The following CTCF variants were observed in gnomAD, a reference collection of about 807,000 sequenced individuals.
The protein encoded by CTCF is CCCTC-binding factor.
A neutral mutation model predicts 72.3 loss-of-function variants in CTCF; 7 were observed. The ratio of observed to expected loss-of-function variants is 0.10; its 90% CI spans 0.06 to 0.18. CTCF has a LOEUF of 0.18. Among genes scored for constraint, CTCF ranks in the 10% least tolerant of loss-of-function variants. The pLI, the probability that CTCF is intolerant of heterozygous loss-of-function variation, is 1.00. For synonymous variants in CTCF, 374 were observed against 315.8 expected (o/e 1.18, Z -1.95); for missense variants, 516 against 949.1 (o/e 0.54, Z 6.00).
At chr16:67,587,099 C>G (rs9940907) in intron 2 of CTCF, among the ~76,000 whole-genome samples, 6,004 of 127,610 alleles carry the variant, frequency 0.047, 430 homozygotes, top group African/African-American at 0.16. Flanking sequence ...ACTTCTTAAA[C>G]ATTTTTTTTT....
At chr16:67,626,829 A>T in intron 8 of CTCF, 114 bp downstream of exon 8, 1 of 717,526 alleles carries the variant, frequency 1.4e-6, no homozygotes, top group Admixed American at 3.9e-5. Flanking sequence ...CAAACTGTGG[A>T]TTATGAGGAA....
At chr16:67,574,972 T>C (rs1296211117) in intron 2 of CTCF, among the ~76,000 whole-genome samples, 1 of 152,206 alleles carries the variant, frequency 6.6e-6, no homozygotes, top group East Asian at 1.9e-4. Flanking sequence ...CATCTATTCT[T>C]AACTGTGTGT....
chr16:67,580,592 G>A (rs1039563742), intron 2 of CTCF, among the ~76,000 whole-genome samples: 1 of 151,298 alleles, frequency 6.6e-6, no homozygotes, highest in East Asian at 1.9e-4. Context: ...ACGAAGTCTC[G>A]CTCTTGTCCA....
intron 2 of CTCF, among the ~76,000 whole-genome samples, chr16:67,572,171 T>C (rs2051431178): frequency 6.6e-6 from 1 of 152,168 alleles, no homozygotes; most frequent in Non-Finnish European, 1.5e-5. Flanking sequence ...GAGAAGGGAA[T>C]AGGAATGAAA....
intron 2 of CTCF, among the ~76,000 whole-genome samples, chr16:67,602,207 C>T (rs1269664344): frequency 1.3e-5 from 2 of 152,150 alleles, no homozygotes; most frequent in Non-Finnish European, 2.9e-5. Context: ...CAAATTCACA[C>T]CAGAGACCAG....
intron 5 of CTCF, among the ~76,000 whole-genome samples, chr16:67,618,567 C>T (rs1233142748): frequency 6.6e-6 from 1 of 152,064 alleles, no homozygotes; most frequent in Non-Finnish European, 1.5e-5. Flanking sequence ...TCGAATAAAG[C>T]AAGAAATGAA....
intron 5 of CTCF, among the ~76,000 whole-genome samples, chr16:67,619,711 G>A (rs992293904): frequency 6.6e-6 from 1 of 152,064 alleles, no homozygotes; most frequent in Non-Finnish European, 1.5e-5. Flanking sequence ...TGCTCCTCAC[G>A]TAGCTGAGAC....
chr16:67,564,178 C>T (rs191112497), intron 1 of CTCF, among the ~76,000 whole-genome samples: 1 of 152,180 alleles, frequency 6.6e-6, no homozygotes, highest in Non-Finnish European at 1.5e-5. Context: ...TTTATTCGGT[C>T]CTTAAGTTTT....
chr16:67,593,167 T>C (rs1213060233), intron 2 of CTCF, among the ~76,000 whole-genome samples: 1 of 151,798 alleles, frequency 6.6e-6, no homozygotes, highest in Non-Finnish European at 1.5e-5. Flanking sequence ...AGGTATCTTC[T>C]GTTCTCTTAA....
chr16:67,596,107 C>T (rs2051811447), intron 2 of CTCF, among the ~76,000 whole-genome samples: 2 of 152,054 alleles, frequency 1.3e-5, no homozygotes, highest in South Asian at 4.1e-4. Context: ...GTGCACGCCG[C>T]CATGCCCAGC....
chr16:67,575,297 C>T (rs890916705), intron 2 of CTCF, among the ~76,000 whole-genome samples: 1 of 152,048 alleles, frequency 6.6e-6, no homozygotes. Context: ...TGAGGCTGGG[C>T]GTGGTGGCTC....
At chr16:67,634,851 C>T (rs778249905) in intron 10 of CTCF, among the ~76,000 whole-genome samples, 3 of 150,820 alleles carry the variant, frequency 2.0e-5, no homozygotes, top group Non-Finnish European at 3.0e-5. Flanking sequence ...TTACAGGTGC[C>T]GCCACCACAC....
rs2052053018 is a variant in CTCF, at chr16:67,610,923, G to C, written c.91G>C (p.Gly31Arg). The change falls in exon 3 of 12, where the codon GGG (glycine) becomes CGG (arginine). Residue 31 changes from glycine (G) to arginine (R), a missense_variant. This residue lies in a region of CTCF where 148 missense variants were observed against 194.9 expected (regional missense o/e 0.76). Coordinates refer to ENST00000264010, the MANE Select transcript of CTCF (RefSeq NM_006565.4). ...ERKTYQRRRE[G>R]GQEEDACHLP... ...AAAGACTTACCAGAGACGCCGGGAA[G>C]GGGGCCAGGAAGAAGATGCCTGCCA... The C allele has an allele frequency of 6.5e-7, 1 of 1,546,640 alleles. No individual in the cohort carries two copies. The highest frequency in any genetic ancestry group is 8.7e-7 in the Non-Finnish European group (1 of 1,145,898).
chr16:67,576,152 A>C (rs959499051), intron 2 of CTCF, among the ~76,000 whole-genome samples: 13 of 151,322 alleles, frequency 8.6e-5, no homozygotes, highest in South Asian at 6.2e-4. Context: ...AAAAAAAAAA[A>C]AAAAAAAAAA....
At chr16:67,606,873 G>A (rs1443353253) in intron 2 of CTCF, among the ~76,000 whole-genome samples, 2 of 148,998 alleles carry the variant, frequency 1.3e-5, no homozygotes, top group African/African-American at 5.0e-5. Flanking sequence ...AGCAATTCTC[G>A]AGCCTCACTC....
chr16:67,583,015 C>G (rs1009022086), intron 2 of CTCF, among the ~76,000 whole-genome samples: 14 of 133,790 alleles, frequency 1.0e-4, no homozygotes, highest in Non-Finnish European at 9.4e-5. Flanking sequence ...GAGTTTTGCT[C>G]TGTTGCACAG....
chr16:67,576,809 C>A (rs1338720918), intron 2 of CTCF, among the ~76,000 whole-genome samples: 4 of 151,946 alleles, frequency 2.6e-5, no homozygotes, highest in Admixed American at 2.6e-4. Flanking sequence ...GGATTACAGG[C>A]GTGAGCCACC....
chr16:67,563,520 C>G (rs2051306141), intron 1 of CTCF: 1 of 152,232 alleles, frequency 6.6e-6, no homozygotes, highest in Non-Finnish European at 1.5e-5. Context: ...CTCGCCGCCC[C>G]CGCTGCGCCC....
At chr16:67,581,913 C>T (rs1235529178) in intron 2 of CTCF, among the ~76,000 whole-genome samples, 3 of 152,164 alleles carry the variant, frequency 2.0e-5, no homozygotes, top group Non-Finnish European at 4.4e-5. Flanking sequence ...TGAGCCACCT[C>T]ACACAGCCTC....
Sources: gnomAD v4.1 joint callset for allele counts (sites outside exome capture counted in the v4.1 genomes callset) on GRCh38, gnomAD v4.1.1 for gene constraint, gnomAD v4.1.1 regional missense constraint, MANE v1.5 for transcripts, NCBI Gene and HGNC (gene_info 2026-07-23, HGNC 2026-07-21) for gene names.